The following KIAA0513 variants were observed in gnomAD, a reference collection of about 807,000 sequenced individuals.
KIAA0513 encodes uncharacterized protein KIAA0513.
A neutral mutation model predicts 56.5 loss-of-function variants in KIAA0513; 39 were observed. That is an observed-to-expected ratio of 0.69 (90% CI 0.53 to 0.90). KIAA0513 has a LOEUF of 0.90. KIAA0513 is among the 40% of genes least tolerant of loss of function. The pLI, the probability that KIAA0513 is intolerant of heterozygous loss-of-function variation, is 0.00. For synonymous variants in KIAA0513, 268 were observed against 215.6 expected (o/e 1.24, Z -2.13); for missense variants, 591 against 535.2 (o/e 1.10, Z -1.03).
chr16:85,035,621 G>C (rs7193975), intron 1 of KIAA0513, among the ~76,000 whole-genome samples: 12,669 of 152,182 alleles, frequency 0.083, 907 homozygotes, highest in African/African-American at 0.18. Context: ...CTGCCAAGTA[G>C]CTGGGACTAC....
chr16:85,071,495 G>T (rs1046192613), intron 2 of KIAA0513, among the ~76,000 whole-genome samples: 1 of 152,190 alleles, frequency 6.6e-6, no homozygotes, highest in African/African-American at 2.4e-5. Flanking sequence ...GTCAGGAGGC[G>T]CAGGGGAAGG....
chr16:85,055,454 C>G lies in KIAA0513; in HGVS notation c.-172-11446C>G, dbSNP rs572615646. ...TTTAGGCCATGTTCTGCCTCGTCTTCAAAGACAGAAAGTGAAAGTGAAGTC... is the reference window on the plus strand; with the variant it reads ...TTTAGGCCATGTTCTGCCTCGTCTTGAAAGACAGAAAGTGAAAGTGAAGTC... On this transcript the variant is annotated intron_variant, in intron 1 of 12. Coordinates refer to ENST00000683363, the MANE Select transcript of KIAA0513 (RefSeq NM_001388359.1). 2.9e-3 allele frequency among the ~76,000 whole-genome samples: 444 copies of G among 152,320 alleles called. 1 individual carries two copies. The highest frequency in any genetic ancestry group is 4.8e-3 in the Non-Finnish European group (328 of 68,016).
At chr16:85,068,021 A>C (rs2073514627) in intron 2 of KIAA0513, among the ~76,000 whole-genome samples, 1 of 151,592 alleles carries the variant, frequency 6.6e-6, no homozygotes, top group South Asian at 2.1e-4. Context: ...ATGTTGGTCA[A>C]GCTGGTCTCG....
intron 11 of KIAA0513, 88 bp downstream of exon 11, chr16:85,086,812 G>A (rs1434326141): frequency 2.5e-6 from 3 of 1,211,384 alleles, no homozygotes; most frequent in Middle Eastern, 2.2e-4. Context: ...CCTGGGGTGT[G>A]ATGTCAGCCT....
chr16:85,054,421 C>CTTTTTTTTTTTTTTTTTTTTTTTTTTT (rs398042273), intron 1 of KIAA0513, among the ~76,000 whole-genome samples: 3 of 119,550 alleles, frequency 2.5e-5, no homozygotes, highest in South Asian at 2.7e-4. Flanking sequence ...TTTTTCTTTT[C>CTTTTTTTTTTTTTTTTTTTTTTTTTTT]TTTTTTTTTT....
At chr16:85,053,345 G>A (rs749467808) in intron 1 of KIAA0513, among the ~76,000 whole-genome samples, 26 of 152,322 alleles carry the variant, frequency 1.7e-4, no homozygotes, top group Admixed American at 1.2e-3. Context: ...TAGACCCAGC[G>A]CATTGCTGCA....
chr16:85,044,379 C>T (rs952156923), intron 1 of KIAA0513, among the ~76,000 whole-genome samples: 7 of 152,272 alleles, frequency 4.6e-5, no homozygotes, highest in South Asian at 4.1e-4. Context: ...TCAGGCCCCT[C>T]GTAGTATCCC....
At chr16:85,078,205 G>T (rs1381617936) in intron 6 of KIAA0513, among the ~76,000 whole-genome samples, 2 of 152,186 alleles carry the variant, frequency 1.3e-5, no homozygotes, top group East Asian at 3.9e-4. Context: ...TGGATTCAGA[G>T]AAAATGACAT....
chr16:85,080,160 C>T (rs2073722152), intron 8 of KIAA0513, among the ~76,000 whole-genome samples: 1 of 139,204 alleles, frequency 7.2e-6, no homozygotes, highest in African/African-American at 2.7e-5. Context: ...GAGGCTGGAC[C>T]CGGTTCCCAT....
chr16:85,063,897 T>C (rs1001769044), intron 1 of KIAA0513, among the ~76,000 whole-genome samples: 24 of 152,084 alleles, frequency 1.6e-4, no homozygotes, highest in African/African-American at 5.3e-4. Flanking sequence ...CCGAAGAATA[T>C]TCTGTTTACT....
intron 2 of KIAA0513, among the ~76,000 whole-genome samples, chr16:85,069,835 T>C (rs997825642): frequency 1.3e-5 from 2 of 152,168 alleles, no homozygotes; most frequent in African/African-American, 4.8e-5. Context: ...TGAGAGGCAC[T>C]GGCTTAAGGG....
At chr16:85,042,511 A>G (rs1363098594) in intron 1 of KIAA0513, among the ~76,000 whole-genome samples, 2 of 152,186 alleles carry the variant, frequency 1.3e-5, no homozygotes, top group Non-Finnish European at 2.9e-5. Context: ...AGACACTTCC[A>G]TCTTTGCTCT....
rs185231030 is a variant in KIAA0513 at position 85,091,860 on chromosome 16, T to G, written c.*3535T>G. On this transcript the variant is annotated 3_prime_UTR_variant, in exon 13 of 13. Coordinates refer to ENST00000683363, the MANE Select transcript of KIAA0513 (RefSeq NM_001388359.1). Reference sequence around the variant, plus strand: ...GTAAAGAGTTTGTGAAAGGTTTCAGTCTAACTGGGGTTCCTTAGCTGGAAG... The same window carrying G: ...GTAAAGAGTTTGTGAAAGGTTTCAGGCTAACTGGGGTTCCTTAGCTGGAAG... 2.6e-5 allele frequency: 4 copies of G among 151,938 alleles called. No homozygotes were observed. Among genetic ancestry groups the G allele is most frequent in the Non-Finnish European group, 4.4e-5 (3 of 68,042 alleles). 9.4% of individuals were successfully genotyped at this position (151,938 alleles called of 1,614,324 possible). A position where few individuals can be genotyped will look rare whatever the true frequency, so the allele number is the denominator to read the frequency against.
At chr16:85,052,783 T>G (rs1480881981) in intron 1 of KIAA0513, among the ~76,000 whole-genome samples, 1 of 152,250 alleles carries the variant, frequency 6.6e-6, no homozygotes, top group Non-Finnish European at 1.5e-5. Context: ...GTTCAGAGTT[T>G]GCTGTTTTCA....
At chr16:85,086,355 G>A (rs1412355035) in intron 10 of KIAA0513, among the ~76,000 whole-genome samples, 2 of 152,386 alleles carry the variant, frequency 1.3e-5, no homozygotes, top group East Asian at 3.9e-4. Context: ...TGCCTGGATA[G>A]CCGCGTGGTG....
intron 2 of KIAA0513, 64 bp from the exon 3 acceptor site, chr16:85,071,719 G>C (rs2073576623): frequency 7.6e-7 from 1 of 1,323,262 alleles, no homozygotes; most frequent in South Asian, 1.3e-5. Flanking sequence ...CTCTTCCCCT[G>C]TTGCTCCAGG....
At chr16:85,078,603 C>G (rs961249748) in intron 7 of KIAA0513, 148 bp downstream of exon 7, 20 of 748,146 alleles carry the variant, frequency 2.7e-5, no homozygotes, top group Admixed American at 5.5e-5. Flanking sequence ...TCCCAGCTCC[C>G]GTGGTTGTAT....
At chr16:85,035,113 C>A (rs907844442) in intron 1 of KIAA0513, among the ~76,000 whole-genome samples, 11 of 152,104 alleles carry the variant, frequency 7.2e-5, no homozygotes, top group African/African-American at 2.7e-4. Context: ...AATCCCAGGC[C>A]CCAGGACATC....
chr16:85,048,636 T>C (rs774082255), intron 1 of KIAA0513, among the ~76,000 whole-genome samples: 13 of 152,158 alleles, frequency 8.5e-5, no homozygotes, highest in Admixed American at 2.0e-4. Context: ...CCCAGCACTT[T>C]GGGAGGCTGA....
Sources: allele counts gnomAD v4.1 joint callset (sites outside exome capture counted in the v4.1 genomes callset), GRCh38; gene constraint gnomAD v4.1.1; transcripts MANE v1.5; gene names NCBI Gene and HGNC (gene_info 2026-07-23, HGNC 2026-07-21).